Variants in MARCHF1 observed in about 807,000 individuals in gnomAD.
The protein encoded by MARCHF1 is E3 ubiquitin-protein ligase MARCHF1.
Under a neutral mutation model 54.2 loss-of-function variants are expected in MARCHF1, and 40 were observed. That is an observed-to-expected ratio of 0.74 (90% CI 0.57 to 0.96). MARCHF1 has a LOEUF of 0.96. MARCHF1 is among the 40% of genes least tolerant of loss of function. MARCHF1 has a pLI of 0.00. For synonymous variants in MARCHF1, 236 were observed against 236.3 expected (o/e 1.00, Z 0.01); for missense variants, 586 against 656.5 (o/e 0.89, Z 1.17).
At chr4:163,845,291 C>A (rs915637676) in intron 4 of MARCHF1, among the ~76,000 whole-genome samples, 1 of 152,096 alleles carries the variant, frequency 6.6e-6, no homozygotes, top group Non-Finnish European at 1.5e-5. Flanking sequence ...TTTCCAGTTA[C>A]AATTTTTATT....
rs375174621 is a variant in MARCHF1, at chr4:163,765,441, C to A, written c.112-64578G>T. Among the ~76,000 whole-genome samples, 16 of 152,020 alleles carry A rather than the reference C, an allele frequency of 1.1e-4. No individual in the cohort carries two copies. In the East Asian group the frequency reaches 1.7e-3, roughly 16 times the overall value. On this transcript the variant is annotated intron_variant, in intron 4 of 9. Coordinates refer to ENST00000514618, the MANE Select transcript of MARCHF1 (RefSeq NM_001394959.1). ...CTGTTAACTAAACAAAACCACCAAC[C>A]AATACTCTTATCATTACACTAATCT...
rs192612260 is a variant in MARCHF1 at position 163,643,714 on chromosome 4, T to C, written c.163-30321A>G. On this transcript the variant is annotated intron_variant, in intron 5 of 9. Coordinates refer to ENST00000514618, the MANE Select transcript of MARCHF1 (RefSeq NM_001394959.1). ...TTTTGTAATTTCCTAGGGGATGTTT[T>C]GAATAATTAGCAATGACTTCAATTA... is the stretch of plus-strand genomic sequence containing the variant. 5.9e-5 allele frequency among the ~76,000 whole-genome samples: 9 copies of C among 152,342 alleles called. No homozygotes were observed. The East Asian group carries it at 1.7e-3, about 29-fold the overall frequency.
intron 4 of MARCHF1, among the ~76,000 whole-genome samples, chr4:163,835,484 T>G (rs111912713): frequency 2.6e-5 from 4 of 152,208 alleles, no homozygotes; most frequent in African/African-American, 9.6e-5. Flanking sequence ...TCTCCAGGTT[T>G]TGGCCAATAA....
Position 163,528,949 on chromosome 4 carries a change from A to T in MARCHF1, c.1437T>A (p.Val479=). 3.1e-6 allele frequency: 5 copies of T among 1,613,350 alleles called. No individual in the cohort carries two copies. The highest frequency in any genetic ancestry group is 3.4e-6 in the Non-Finnish European group (4 of 1,179,590). Reference sequence around the variant, plus strand: ...AGGCCTTCAGCCTGCGCCACAACTGAACATAGACTTTACACTGTACGTACA... The same window carrying T: ...AGGCCTTCAGCCTGCGCCACAACTGTACATAGACTTTACACTGTACGTACA... ...VFMYVQCKVY[V]QLWRRLKAYN... The change falls in exon 10 of 10, where the codon GTT becomes GTA. Residue 479 remains valine, a synonymous_variant. Transcript: ENST00000514618.
rs1018973573 is a variant in MARCHF1, at chr4:164,022,148, A to G, written c.-247-33439T>C. On this transcript the variant is annotated intron_variant, in intron 2 of 9. Coordinates refer to ENST00000514618, the MANE Select transcript of MARCHF1 (RefSeq NM_001394959.1). Reference sequence around the variant, plus strand: ...TTTAGTTAAACCCCATTGATTGTGCAATATCTCTTGCCAAGAGCACTGATA... The same window carrying G: ...TTTAGTTAAACCCCATTGATTGTGCGATATCTCTTGCCAAGAGCACTGATA... 3.3e-5 allele frequency among the ~76,000 whole-genome samples: 5 copies of G among 152,282 alleles called. No homozygotes were observed. The East Asian group carries it at 9.6e-4, about 29-fold the overall frequency.
intron 1 of MARCHF1, among the ~76,000 whole-genome samples, chr4:164,322,091 G>T (rs1381177733): frequency 2.0e-5 from 3 of 152,048 alleles, no homozygotes; most frequent in Non-Finnish European, 4.4e-5. Context: ...GATGAGTGTT[G>T]TAGGGGTGAG....
At chr4:163,819,954 T>A (rs1479203354) in intron 4 of MARCHF1, among the ~76,000 whole-genome samples, 4 of 152,136 alleles carry the variant, frequency 2.6e-5, no homozygotes, top group African/African-American at 9.7e-5. Flanking sequence ...CCCATCGTAT[T>A]TTAAACATTC....
At chr4:163,924,095 G>A (rs1460763585) in intron 3 of MARCHF1, among the ~76,000 whole-genome samples, 1 of 152,048 alleles carries the variant, frequency 6.6e-6, no homozygotes, top group South Asian at 2.1e-4. Flanking sequence ...TGTGCTTGAT[G>A]CATGGAGTGT....
At position 164,151,555 on chromosome 4, in the gene MARCHF1, T is replaced by C. The variant is rs117261773; in HGVS notation, c.-322-39893A>G. ...GAAATTGTGCTCAGAATTGGGCATA[T>C]TCTTTATCTCCATTTCTGAGCTTGC... On this transcript the variant is annotated intron_variant, in intron 1 of 9. Transcript: ENST00000514618. Among the ~76,000 whole-genome samples, 79 of 152,276 alleles carry C rather than the reference T, an allele frequency of 5.2e-4. No homozygotes were observed. The East Asian group carries it at 0.012, about 22-fold the overall frequency.
chr4:163,831,906 C>T (rs1363376474), intron 4 of MARCHF1, among the ~76,000 whole-genome samples: 1 of 152,152 alleles, frequency 6.6e-6, no homozygotes, highest in Admixed American at 6.6e-5. Flanking sequence ...CTCATACATG[C>T]ACCACACTTA....
intron 4 of MARCHF1, among the ~76,000 whole-genome samples, chr4:163,702,538 C>T (rs1744838983): frequency 6.6e-6 from 1 of 152,008 alleles, no homozygotes; most frequent in African/African-American, 2.4e-5. Context: ...AGGAATCACG[C>T]AAAATAAGAA....
intron 1 of MARCHF1, among the ~76,000 whole-genome samples, chr4:164,313,274 G>C (rs1424088549): frequency 4.0e-5 from 6 of 150,378 alleles, no homozygotes; most frequent in Non-Finnish European, 7.4e-5. Flanking sequence ...GCGTGAACCT[G>C]GGAGGCAGAG....
chr4:164,348,476 T>C (rs990525282), intron 1 of MARCHF1, among the ~76,000 whole-genome samples: 3 of 152,168 alleles, frequency 2.0e-5, no homozygotes, highest in Non-Finnish European at 2.9e-5. Context: ...GCCAAAGACA[T>C]AGATATGACG....
chr4:164,250,880 T>G (rs1391192012), intron 1 of MARCHF1, among the ~76,000 whole-genome samples: 1 of 152,108 alleles, frequency 6.6e-6, no homozygotes, highest in Admixed American at 6.6e-5. Context: ...TCTGAATATA[T>G]GCTCTTGTTA....
intron 3 of MARCHF1, among the ~76,000 whole-genome samples, chr4:163,909,976 A>G (rs1751155225): frequency 6.6e-6 from 1 of 152,134 alleles, no homozygotes; most frequent in African/African-American, 2.4e-5. Flanking sequence ...ATTTATCAAC[A>G]ATTTTTTCTC....
At chr4:163,679,536 T>G (rs1744028654) in intron 5 of MARCHF1, among the ~76,000 whole-genome samples, 1 of 152,168 alleles carries the variant, frequency 6.6e-6, no homozygotes, top group Non-Finnish European at 1.5e-5. Context: ...CAGGGGTCCC[T>G]GACCTCTGAG....
At chr4:163,559,322 T>G (rs141910030) in intron 8 of MARCHF1, among the ~76,000 whole-genome samples, 145 of 152,314 alleles carry the variant, frequency 9.5e-4, no homozygotes, top group African/African-American at 3.2e-3. Context: ...AAAATGCAAC[T>G]TTAGTTTTTG....
chr4:163,978,218 TC>T (rs1158480956), intron 3 of MARCHF1, among the ~76,000 whole-genome samples: 1 of 152,160 alleles, frequency 6.6e-6, no homozygotes, highest in Middle Eastern at 3.2e-3. Flanking sequence ...AATGTTTTAG[TC>T]TTTTTATTAT....
At chr4:163,574,331 T>A (rs1427067346) in intron 8 of MARCHF1, among the ~76,000 whole-genome samples, 1 of 152,140 alleles carries the variant, frequency 6.6e-6, no homozygotes, top group African/African-American at 2.4e-5. Context: ...AGATCCCATT[T>A]GTCAATTTTG....
Sources: gnomAD v4.1 joint callset for allele counts (sites outside exome capture counted in the v4.1 genomes callset) on GRCh38, gnomAD v4.1.1 for gene constraint, MANE v1.5 for transcripts, NCBI Gene and HGNC (gene_info 2026-07-23, HGNC 2026-07-21) for gene names.